The following ZDHHC6 variants were observed in gnomAD, a reference collection of about 807,000 sequenced individuals.
ZDHHC6 encodes zDHHC palmitoyltransferase 6.
In ZDHHC6, 32 loss-of-function variants were observed where a neutral mutation model predicts 57.8. The observed-to-expected ratio is 0.55, with a 90% confidence interval of 0.42 to 0.74. The LOEUF is 0.74. ZDHHC6 is among the 30% of genes least tolerant of loss of function. The pLI is 0.00. For missense variants in ZDHHC6, 433 were observed against 500.7 expected (o/e 0.86, Z 1.29); for synonymous variants, 128 against 158.0 (o/e 0.81, Z 1.42).
exon 12 of ZDHHC6, chr10:112,425,248 A>G: frequency 8.3e-7 from 1 of 1,207,470 alleles, no homozygotes; most frequent in Non-Finnish European, 1.2e-6. Context: ...TCAGCTTTAG[A>G]GAAGAAAGAT....
At chr10:112,435,253 CAAT>C (rs1845416014) in intron 6 of ZDHHC6, among the ~76,000 whole-genome samples, 1 of 152,120 alleles carries the variant, frequency 6.6e-6, no homozygotes, top group East Asian at 1.9e-4. Context: ...TTTATTTTAA[CAAT>C]AAGTATACAA....
At chr10:112,425,988 A>T (rs2133688070), downstream of ZDHHC6, among the ~76,000 whole-genome samples, 1 of 152,272 alleles carries the variant, frequency 6.6e-6, no homozygotes, top group Middle Eastern at 3.4e-3. Context: ...ACAAGGGGAG[A>T]GTTGACATGG....
At chr10:112,425,335 T>C (rs887003024), downstream of ZDHHC6, 1 of 1,609,906 alleles carries the variant, frequency 6.2e-7, no homozygotes, top group Non-Finnish European at 8.5e-7. Flanking sequence ...CTGTCTCATG[T>C]AGAATGGAAC....
intron 3 of ZDHHC6, 58 bp downstream of exon 3, chr10:112,443,457 A>T: frequency 6.9e-7 from 1 of 1,453,070 alleles, no homozygotes; most frequent in Non-Finnish European, 9.6e-7. Context: ...ATAAGCAACA[A>T]TGAAAACATC....
intron 5 of ZDHHC6, among the ~76,000 whole-genome samples, chr10:112,439,628 TAAAAAAAAAAAAAAAAAAAAAAAAA>T (rs869272293): frequency 1.2e-3 from 37 of 31,306 alleles, no homozygotes; most frequent in Admixed American, 9.9e-3. Context: ...AGACTCCGTC[TAAAAAAAAAAAAAAAAAAAAAAAAA>T]AAAAAAAAAA....
chr10:112,428,661 C>T (rs1050183862), downstream of ZDHHC6, among the ~76,000 whole-genome samples: 6 of 152,006 alleles, frequency 3.9e-5, no homozygotes, highest in African/African-American at 1.5e-4. Flanking sequence ...GTCCCAGCTA[C>T]TCAGAAGATT....
At position 112,434,359 on chromosome 10, in the gene ZDHHC6, C is replaced by A. The variant is rs1191583426; in HGVS notation, c.841G>T (p.Val281Phe). The A allele has an allele frequency of 2.0e-5, 33 of 1,613,738 alleles. No individual in the cohort carries two copies. The highest frequency in any genetic ancestry group is 2.5e-5 in the Non-Finnish European group (30 of 1,179,884). ...CACTCAAGTCCATCTCCTTCAGGGA[C>A]CCCTGACCACGTAAATACCTGTTTA... ...NFKQVFTWSG[V>F]PEGDGLEWPV... Residue 281 changes from valine (V) to phenylalanine (F), a missense_variant, in exon 7 of 11, where the codon GTC becomes TTC. By Grantham distance (50) the Val-to-Phe change is conservative. Coordinates refer to ENST00000369405, the MANE Select transcript of ZDHHC6 (RefSeq NM_022494.3).
At chr10:112,424,795 T>TTG (rs1177282306) in exon 12 of ZDHHC6, 1 of 152,332 alleles carries the variant, frequency 6.6e-6, no homozygotes, top group African/African-American at 2.4e-5. Context: ...CAAATGACCT[T>TTG]TGGTGGCTGG....
At chr10:112,426,882 T>C (rs1236566118), downstream of ZDHHC6, 1 of 1,555,752 alleles carries the variant, frequency 6.4e-7, no homozygotes, top group African/African-American at 1.4e-5. Flanking sequence ...ACTGATGTTA[T>C]ACTGGCCTCT....
chr10:112,433,592 G>A (rs1845242169), intron 7 of ZDHHC6: 1 of 237,012 alleles, frequency 4.2e-6, no homozygotes, highest in Admixed American at 5.6e-5. Flanking sequence ...AGCTTCTCAG[G>A]TGAAAACACT....
downstream of ZDHHC6, chr10:112,427,423 ATTC>A (rs1844776764): frequency 7.0e-7 from 1 of 1,438,630 alleles, no homozygotes; most frequent in Admixed American, 2.5e-5. Flanking sequence ...ATTAAAAACT[ATTC>A]TTACATTTGT....
rs1307765303 is a variant in ZDHHC6 at position 112,443,582 on chromosome 10, G to C, written c.292C>G (p.Leu98Val). ...GCTTGGCAGACTTTACAATACTGGA[G>C]ATACATGGTATCCTGAGAAATTTCC... is the stretch of plus-strand genomic sequence containing the variant. ...KPEISQDTMYLQYCKVCQAYK... is the reference protein window; with the variant it reads ...KPEISQDTMYVQYCKVCQAYK... The change falls in exon 3 of 11, where the codon CTC becomes GTC. Residue 98 changes from leucine to valine, a missense_variant. Coordinates refer to ENST00000369405, the MANE Select transcript of ZDHHC6 (RefSeq NM_022494.3). The C allele has an allele frequency of 3.7e-6, 6 of 1,613,154 alleles. No homozygotes were observed. Among genetic ancestry groups the C allele is most frequent in the Admixed American group, 1.7e-5 (1 of 59,860 alleles).
At chr10:112,429,356 T>C (rs1844859528), downstream of ZDHHC6, among the ~76,000 whole-genome samples, 1 of 152,172 alleles carries the variant, frequency 6.6e-6, no homozygotes, top group African/African-American at 2.4e-5. Context: ...CTTGCTGCTG[T>C]CTCTAAAATG....
At chr10:112,429,646 T>G (rs751352579), downstream of ZDHHC6, among the ~76,000 whole-genome samples, 111 of 152,158 alleles carry the variant, frequency 7.3e-4, 1 homozygote, top group Non-Finnish European at 5.3e-4. Flanking sequence ...CAAGCCCAAT[T>G]TAAGCATCCA....
At chr10:112,434,252 G>A in intron 7 of ZDHHC6, 45 bp downstream of exon 7, 2 of 1,492,048 alleles carry the variant, frequency 1.3e-6, no homozygotes, top group Non-Finnish European at 1.8e-6. Context: ...TTAAGGGAAA[G>A]AAGGCGAGGC....
rs1293521007 is a variant in ZDHHC6, at chr10:112,438,185, G to T, written c.735+151C>A. 3.5e-5 allele frequency: 16 copies of T among 460,322 alleles called. No individual in the cohort carries two copies. In the East Asian group the frequency reaches 6.8e-4, roughly 19 times the overall value. 28.5% of individuals were successfully genotyped at this position (460,322 alleles called of 1,614,324 possible). A position where few individuals can be genotyped will look rare whatever the true frequency, so the allele number is the denominator to read the frequency against. Reference sequence around the variant, plus strand: ...TTCACCTTTTATGTGGCATGCAAATGACTTACGGTAGCCATTTGGCAGCCA... The same window carrying T: ...TTCACCTTTTATGTGGCATGCAAATTACTTACGGTAGCCATTTGGCAGCCA... On this transcript the variant is annotated intron_variant, in intron 6 of 10. Coordinates refer to ENST00000369405, the MANE Select transcript of ZDHHC6 (RefSeq NM_022494.3).
downstream of ZDHHC6, chr10:112,427,130 CCTCA>C: frequency 1.5e-6 from 2 of 1,376,154 alleles, no homozygotes; most frequent in Non-Finnish European, 2.0e-6. Flanking sequence ...ACTGCATCAA[CCTCA>C]CTTTCTTCAC....
chr10:112,447,406 C>T, upstream of ZDHHC6: 2 of 1,613,752 alleles, frequency 1.2e-6, no homozygotes, highest in South Asian at 1.1e-5. Flanking sequence ...ACGAGCAGGA[C>T]TTCGCGGTGC....
At chr10:112,427,256 T>G, downstream of ZDHHC6, 1 of 1,613,408 alleles carries the variant, frequency 6.2e-7, no homozygotes. Context: ...CATTTTCCAT[T>G]GAAAATGGGC....
Sources: gnomAD v4.1 joint callset for allele counts (sites outside exome capture counted in the v4.1 genomes callset) on GRCh38, gnomAD v4.1.1 for gene constraint, MANE v1.5 for transcripts, NCBI Gene and HGNC (gene_info 2026-07-23, HGNC 2026-07-21) for gene names.